Variants in PAPPA observed in about 807,000 individuals in gnomAD.
The protein encoded by PAPPA is pappalysin-1.
A neutral mutation model predicts 164.0 loss-of-function variants in PAPPA; 60 were observed. That is an observed-to-expected ratio of 0.37 (90% CI 0.30 to 0.45). The LOEUF is 0.45. Ranked by LOEUF, PAPPA falls within the 20% of genes least tolerant of loss-of-function variation. PAPPA has a pLI of 1.00. For synonymous variants in PAPPA, 875 were observed against 814.1 expected (o/e 1.07, Z -1.27); for missense variants, 1,782 against 2,087.3 (o/e 0.85, Z 2.85).
intron 6 of PAPPA, among the ~76,000 whole-genome samples, chr9:116,234,134 C>T (rs1372588147): frequency 6.6e-6 from 1 of 152,140 alleles, no homozygotes; most frequent in African/African-American, 2.4e-5. Context: ...CAAATTAGAG[C>T]CAATCACTAC....
At chr9:116,392,883 T>C (rs1017672608) in intron 21 of PAPPA, among the ~76,000 whole-genome samples, 6 of 152,208 alleles carry the variant, frequency 3.9e-5, no homozygotes, top group Non-Finnish European at 7.3e-5. Context: ...ATACAGTTTC[T>C]GTATAAAGTC....
chr9:116,186,246 CTA>C (rs1843968492), intron 1 of PAPPA, among the ~76,000 whole-genome samples: 2 of 146,682 alleles, frequency 1.4e-5, no homozygotes, highest in East Asian at 4.0e-4. Context: ...GTATCTATAT[CTA>C]TATATCTATA....
chr9:116,336,894 G>A (rs987783207), intron 13 of PAPPA, among the ~76,000 whole-genome samples: 1 of 152,198 alleles, frequency 6.6e-6, no homozygotes, highest in Non-Finnish European at 1.5e-5. Context: ...ACATGAGAGA[G>A]GACAGGAAGG....
intron 7 of PAPPA, among the ~76,000 whole-genome samples, chr9:116,252,482 A>C (rs187436517): frequency 5.9e-5 from 9 of 152,340 alleles, no homozygotes; most frequent in African/African-American, 1.9e-4. Flanking sequence ...TGCTTTAATA[A>C]GGGGGCACCT....
intron 21 of PAPPA, among the ~76,000 whole-genome samples, chr9:116,391,123 A>G (rs1846886905): frequency 6.6e-6 from 1 of 152,076 alleles, no homozygotes; most frequent in Non-Finnish European, 1.5e-5. Flanking sequence ...GCTTTCCTCT[A>G]ATTTACCCAT....
chr9:116,397,168 A>G lies in PAPPA; in HGVS notation c.*552A>G, dbSNP rs1415694421. Reference sequence around the variant, plus strand: ...GCTCAGAATATGTAGGACATGCACAATTGTGCAGTCCTTTGGGATTGGAAG... The same window carrying G: ...GCTCAGAATATGTAGGACATGCACAGTTGTGCAGTCCTTTGGGATTGGAAG... On this transcript the variant is annotated 3_prime_UTR_variant, in exon 22 of 22. Transcript: ENST00000328252. The G allele has an allele frequency of 6.5e-6, 1 of 152,982 alleles. No homozygotes were observed. The highest frequency in any genetic ancestry group is 1.5e-5 in the Non-Finnish European group (1 of 68,296). 9.5% of individuals were successfully genotyped at this position (152,982 alleles called of 1,614,324 possible). A position where few individuals can be genotyped will look rare whatever the true frequency, so the allele number is the denominator to read the frequency against.
chr9:116,299,822 T>C (rs1845557333), intron 9 of PAPPA, among the ~76,000 whole-genome samples: 1 of 152,098 alleles, frequency 6.6e-6, no homozygotes, highest in African/African-American at 2.4e-5. Context: ...GCCAGCATTA[T>C]ACCCACAATC....
At chr9:116,275,376 T>C (rs1034270300) in intron 9 of PAPPA, among the ~76,000 whole-genome samples, 5 of 152,204 alleles carry the variant, frequency 3.3e-5, no homozygotes, top group Non-Finnish European at 7.3e-5. Flanking sequence ...GGATACCCAC[T>C]AGGTGATAGG....
chr9:116,287,355 G>C (rs1472234290), intron 9 of PAPPA: 1 of 152,192 alleles, frequency 6.6e-6, no homozygotes, highest in African/African-American at 2.4e-5. Flanking sequence ...TTTCCAGGCA[G>C]GTTTTTGAGA....
At position 116,347,172 on chromosome 9, in the gene PAPPA, A is replaced by G. The variant is rs1389814329; in HGVS notation, c.3927A>G (p.Gln1309=). 7 of 1,613,906 alleles carry G rather than the reference A, an allele frequency of 4.3e-6. No individual in the cohort carries two copies. The highest frequency in any genetic ancestry group is 1.1e-5 in the South Asian group (1 of 91,020). ...SCPEGTTFGS[Q]CSFQCRHPAQ... ...CTGAGGGCACCACCTTTGGCAGTCAATGTTCCTTCCAGTGCCGTCACCCTG... is the reference window on the plus strand; with the variant it reads ...CTGAGGGCACCACCTTTGGCAGTCAGTGTTCCTTCCAGTGCCGTCACCCTG... Residue 1309 remains glutamine, a synonymous_variant, in exon 15 of 22, where the codon CAA becomes CAG. Coordinates refer to ENST00000328252, the MANE Select transcript of PAPPA (RefSeq NM_002581.5). The surrounding 1 kb of genome is among the most constrained non-coding windows in gnomAD (Gnocchi z 4.5).
At chr9:116,390,312 G>C (rs1423078437) in intron 21 of PAPPA, among the ~76,000 whole-genome samples, 1 of 152,176 alleles carries the variant, frequency 6.6e-6, no homozygotes, top group Non-Finnish European at 1.5e-5. Context: ...GGAGGGAAAA[G>C]GGTATCTTTG....
In PAPPA at chr9:116,397,315, G is replaced by C. The variant is rs1483845204; in HGVS notation, c.*699G>C. ...ATGGGGGATTTTACCCCAACTCCAG[G>C]GTTCGAGGCCAATCTGAGAATGGCT... On this transcript the variant is annotated 3_prime_UTR_variant, in exon 22 of 22. Transcript: ENST00000328252. 1 of 152,622 alleles carries C rather than the reference G, an allele frequency of 6.6e-6. No individual in the cohort carries two copies. Among genetic ancestry groups the C allele is most frequent in the African/African-American group, 2.4e-5 (1 of 41,438 alleles). 9.5% of individuals were successfully genotyped at this position (152,622 alleles called of 1,614,324 possible).
chr9:116,257,553 T>A (rs1227253007), intron 7 of PAPPA, among the ~76,000 whole-genome samples: 3 of 151,760 alleles, frequency 2.0e-5, no homozygotes, highest in East Asian at 2.0e-4. Context: ...TACAAAAAAA[T>A]TAGTGGGGCA....
rs3810939 is a variant in PAPPA at position 116,398,512 on chromosome 9, T to A, written c.*1896T>A. ...AAAAAAAAAAGAGACCAAAAATAAC[T>A]TTAGGAACCACCATATTATATCACT... On this transcript the variant is annotated 3_prime_UTR_variant, in exon 22 of 22. Coordinates refer to ENST00000328252, the MANE Select transcript of PAPPA (RefSeq NM_002581.5). 8.4e-7 allele frequency: 1 copy of A among 1,189,504 alleles called. No homozygotes were observed. The highest frequency in any genetic ancestry group is 1.1e-6 in the Non-Finnish European group (1 of 928,978). The allele number at this position is 1,189,504 out of a possible 1,614,324, so 73.7% of individuals were successfully genotyped here. A position where few individuals can be genotyped will look rare whatever the true frequency, so the allele number is the denominator to read the frequency against.
At chr9:116,357,016 A>T (rs1846363255) in intron 17 of PAPPA, among the ~76,000 whole-genome samples, 1 of 152,236 alleles carries the variant, frequency 6.6e-6, no homozygotes, top group Non-Finnish European at 1.5e-5. Flanking sequence ...TGAGGCCAGG[A>T]TGTGGAGTAG....
intron 1 of PAPPA, among the ~76,000 whole-genome samples, chr9:116,163,060 A>G (rs1390399901): frequency 6.6e-6 from 1 of 152,210 alleles, no homozygotes. Flanking sequence ...TGCAACAACT[A>G]TTTTTTGAGT....
intron 7 of PAPPA, among the ~76,000 whole-genome samples, chr9:116,241,783 T>C (rs1419439907): frequency 6.6e-6 from 1 of 152,164 alleles, no homozygotes; most frequent in Non-Finnish European, 1.5e-5. Flanking sequence ...TTGGAAAGTT[T>C]ACCCCAAATC....
intron 10 of PAPPA, among the ~76,000 whole-genome samples, chr9:116,319,871 A>G (rs755761900): frequency 5.9e-5 from 9 of 152,232 alleles, no homozygotes; most frequent in Non-Finnish European, 1.3e-4. Flanking sequence ...TGTTTGGAAC[A>G]TAGGTGCTGG....
In PAPPA at chr9:116,314,058, A is replaced by ATTTTTTTTTTTTTTT. The variant is rs1845756003; in HGVS notation, c.3147+11109_3147+11110insTTTTTTTTTTTTTTT. ...TCATTCAGTTCTGTCATTGCATCGAATCTTTTTTTTTTTTTTTTTTTTTTT... is the reference window on the plus strand; with the variant it reads ...TCATTCAGTTCTGTCATTGCATCGAATTTTTTTTTTTTTTTTCTTTTTTTTTTTTTTTTTTTTTTT... On this transcript the variant is annotated intron_variant, in intron 10 of 21. Transcript: ENST00000328252. 1.8e-5 allele frequency among the ~76,000 whole-genome samples: 2 copies of ATTTTTTTTTTTTTTT among 109,900 alleles called. 1 individual carries two copies. The highest frequency in any genetic ancestry group is 7.1e-5 in the African/African-American group (2 of 28,038). 72.1% of individuals were successfully genotyped at this position (109,900 alleles called of 152,430 possible).
Sources: gnomAD v4.1 joint callset for allele counts (sites outside exome capture counted in the v4.1 genomes callset) on GRCh38, gnomAD v4.1.1 for gene constraint, Gnocchi (gnomAD v3.1) non-coding constraint, MANE v1.5 for transcripts, NCBI Gene and HGNC (gene_info 2026-07-23, HGNC 2026-07-21) for gene names.